The following CHD3 variants were observed in gnomAD, a reference collection of about 807,000 sequenced individuals.
The protein encoded by CHD3 is ATP-dependent chromatin remodeler CHD3.
A neutral mutation model predicts 248.9 loss-of-function variants in CHD3; 52 were observed. That is an observed-to-expected ratio of 0.21 (90% confidence interval 0.17 to 0.26). The LOEUF (loss-of-function observed/expected upper bound fraction) is 0.26, where lower values mean the gene tolerates loss of function less well. CHD3 is among the 10% of genes least tolerant of loss of function. The probability of loss-of-function intolerance (pLI) is 1.00; values close to 1 mark genes in which losing one functional copy is unlikely to be tolerated. For missense variants in CHD3, 1,482 were observed against 2,605.8 expected, an observed-to-expected ratio of 0.57 and a Z score of 9.39; for synonymous variants, 985 against 985.2, an observed-to-expected ratio of 1.00 and a Z score of 0.00.
chr17:7,884,909 G>T, upstream of CHD3: 1 of 1,418,850 alleles, frequency 7.0e-7, no homozygotes. Flanking sequence ...GGAGGAGGAG[G>T]AGGTGGAGGC....
chr17:7,885,108 C>A (rs1439501252), upstream of CHD3: 106 of 982,362 alleles, frequency 1.1e-4, no homozygotes, highest in Non-Finnish European at 1.2e-4. Context: ...CGACTCCCCC[C>A]CCAAGCCCGA....
At chr17:7,901,469 C>T in intron 20 of CHD3, 94 bp downstream of exon 20, 3 of 967,430 alleles carry the variant, frequency 3.1e-6, no homozygotes, top group South Asian at 2.7e-5. Context: ...TGTGGCTGCT[C>T]TGGTGTGACA....
rs755840598 is a variant in CHD3 at position 7,904,998 on chromosome 17, G to T, written c.4073-102G>T. 37 of 1,082,772 alleles carry T rather than the reference G, an allele frequency of 3.4e-5. No homozygotes were observed. The highest frequency in any genetic ancestry group is 4.8e-5 in the Non-Finnish European group (34 of 701,508). 67.1% of individuals were successfully genotyped at this position (1,082,772 alleles called of 1,614,324 possible). ...CCAGAAGGACCAAGGCCAGAATAAA[G>T]GTAGACAAGTCTCGGCAGGGAGGAA... On this transcript the variant is annotated intron_variant, in intron 25 of 39. Transcript: ENST00000330494. This position sits in a 1 kb window ranked among gnomAD's most constrained non-coding sequence, Gnocchi z 4.4.
chr17:7,899,448 A>T lies in CHD3; in HGVS notation c.2449A>T (p.Thr817Ser). ...ACCCAAATTCTATGTGGTGACATAC[A>T]CGGGTGACAAGGACAGCCGGGCCAT... is the stretch of plus-strand genomic sequence containing the variant. Reference protein sequence around the residue: ...WAPKFYVVTYTGDKDSRAIIR... With the variant: ...WAPKFYVVTYSGDKDSRAIIR... The change falls in exon 15 of 40, where the codon ACG becomes TCG. Residue 817 changes from threonine (T) to serine (S), a missense_variant. Coordinates refer to ENST00000330494, the MANE Select transcript of CHD3 (RefSeq NM_001005273.3). This position sits in a 1 kb window ranked among gnomAD's most constrained non-coding sequence, Gnocchi z 6.8. 1 of 1,614,152 alleles carries T rather than the reference A, an allele frequency of 6.2e-7. No individual in the cohort carries two copies. Among genetic ancestry groups the T allele is most frequent in the Non-Finnish European group, 8.5e-7 (1 of 1,180,026 alleles).
At position 7,899,755 on chromosome 17, in the gene CHD3, A is replaced by G; in HGVS notation, c.2545-141A>G. ...CTGGAAATGTGGGCAGAGGTTTAGG[A>G]GCCATGGTCTGTAATCCCTGCTTGG... is the stretch of plus-strand genomic sequence containing the variant. On this transcript the variant is annotated intron_variant, in intron 15 of 39. Coordinates refer to ENST00000330494, the MANE Select transcript of CHD3 (RefSeq NM_001005273.3). The surrounding 1 kb of genome is among the most constrained non-coding windows in gnomAD (Gnocchi z 6.8). 8.5e-7 allele frequency: 1 copy of G among 1,174,628 alleles called. No homozygotes were observed. Among genetic ancestry groups the G allele is most frequent in the Non-Finnish European group, 1.2e-6 (1 of 818,914 alleles). 72.8% of individuals were successfully genotyped at this position (1,174,628 alleles called of 1,614,324 possible).
chr17:7,889,192 C>A lies in CHD3; in HGVS notation c.100+92C>A. 6.6e-7 allele frequency: 1 copy of A among 1,504,572 alleles called. No individual in the cohort carries two copies. Among genetic ancestry groups the A allele is most frequent in the South Asian group, 1.2e-5 (1 of 84,802 alleles). 93.2% of individuals were successfully genotyped at this position (1,504,572 alleles called of 1,614,324 possible). On this transcript the variant is annotated intron_variant, in intron 1 of 39. Transcript: ENST00000330494. The surrounding 1 kb of genome is among the most constrained non-coding windows in gnomAD (Gnocchi z 4.5). Reference sequence around the variant, plus strand: ...GTTAGTGTGAGAACCCAGGTGTCCACCTTTGGCTCTCCCTCCCCAGCATCT... The same window carrying A: ...GTTAGTGTGAGAACCCAGGTGTCCAACTTTGGCTCTCCCTCCCCAGCATCT...
rs12950420 is a variant in CHD3, at chr17:7,910,781, T to A, written c.5755-66T>A. On this transcript the variant is annotated intron_variant, in intron 38 of 39. Transcript: ENST00000330494. This position sits in a 1 kb window ranked among gnomAD's most constrained non-coding sequence, Gnocchi z 4.7. ...TGTGGAGTGTGGCTCATAATGTCTCTCCTACAGCTTCTTTCCTCTCACAGA... is the reference window on the plus strand; with the variant it reads ...TGTGGAGTGTGGCTCATAATGTCTCACCTACAGCTTCTTTCCTCTCACAGA... 1.9e-6 allele frequency: 3 copies of A among 1,561,640 alleles called. No homozygotes were observed. The highest frequency in any genetic ancestry group is 8.6e-7 in the Non-Finnish European group (1 of 1,156,790).
chr17:7,893,229 G>A, intron 4 of CHD3, 57 bp from the exon 5 acceptor site: 1 of 1,510,494 alleles, frequency 6.6e-7, no homozygotes, highest in East Asian at 2.3e-5. Flanking sequence ...GAGGGGAGAT[G>A]GCAGTGTTCC....
rs1970655415 is a variant in CHD3 at position 7,904,296 on chromosome 17, A to G, written c.3895-146A>G. On this transcript the variant is annotated intron_variant, in intron 24 of 39. Coordinates refer to ENST00000330494, the MANE Select transcript of CHD3 (RefSeq NM_001005273.3). This position sits in a 1 kb window ranked among gnomAD's most constrained non-coding sequence, Gnocchi z 4.4. ...TAAGAGATGGCATGGAACATGCGCA[A>G]TGTCCAGAAAATGTATGCAGAGCCA... is the stretch of plus-strand genomic sequence containing the variant. 3 of 714,922 alleles carry G rather than the reference A, an allele frequency of 4.2e-6. No individual in the cohort carries two copies. The highest frequency in any genetic ancestry group is 2.8e-5 in the Admixed American group (1 of 35,848). The allele number at this position is 714,922 out of a possible 1,614,324, so 44.3% of individuals were successfully genotyped here. A position where few individuals can be genotyped will look rare whatever the true frequency, so the allele number is the denominator to read the frequency against.
upstream of CHD3, among the ~76,000 whole-genome samples, chr17:7,886,919 C>T (rs931373728): frequency 6.6e-6 from 1 of 152,068 alleles, no homozygotes; most frequent in Non-Finnish European, 1.5e-5. The surrounding 1 kb of genome is among the most constrained non-coding windows in gnomAD (Gnocchi z 4.2). Flanking sequence ...CCCTTTCCCT[C>T]TTGGCTTTCT....
At position 7,889,674 on chromosome 17, in the gene CHD3, C is replaced by G. The variant is rs1208427243; in HGVS notation, c.111C>G (p.Asp37Glu). 1 of 1,612,234 alleles carries G rather than the reference C, an allele frequency of 6.2e-7. No individual in the cohort carries two copies. Among genetic ancestry groups the G allele is most frequent in the Non-Finnish European group, 8.5e-7 (1 of 1,178,944 alleles). Residue 37 changes from aspartate (D) to glutamate (E), a missense_variant, in exon 2 of 40, where the codon GAC becomes GAG. This residue lies in a region of CHD3 where 169 missense variants were observed against 168.1 expected (regional missense o/e 1.01). Transcript: ENST00000330494. This position sits in a 1 kb window ranked among gnomAD's most constrained non-coding sequence, Gnocchi z 4.5. ...CTTTTTGCTTCAAAGATAAGGATGA[C>G]ATTCGGCTGCTGCCGTCAGCATTGG... ...CWGDRMPDKD[D>E]IRLLPSALGV...
Position 7,903,589 on chromosome 17 carries a change from T to C in CHD3, c.3727+86T>C. On this transcript the variant is annotated intron_variant, in intron 23 of 39. Coordinates refer to ENST00000330494, the MANE Select transcript of CHD3 (RefSeq NM_001005273.3). The surrounding 1 kb of genome is among the most constrained non-coding windows in gnomAD (Gnocchi z 6.8). Reference sequence around the variant, plus strand: ...AGCCCCCTGGGGAGAGAAAAACAACTCTTCTCTGCAGCCTTTGAAGGAAGG... The same window carrying C: ...AGCCCCCTGGGGAGAGAAAAACAACCCTTCTCTGCAGCCTTTGAAGGAAGG... 1 of 1,201,322 alleles carries C rather than the reference T, an allele frequency of 8.3e-7. No individual in the cohort carries two copies. The highest frequency in any genetic ancestry group is 1.2e-6 in the Non-Finnish European group (1 of 847,548). The allele number at this position is 1,201,322 out of a possible 1,614,324, so 74.4% of individuals were successfully genotyped here.
intron 4 of CHD3, among the ~76,000 whole-genome samples, chr17:7,892,222 A>G (rs768086253): frequency 6.6e-6 from 1 of 152,146 alleles, no homozygotes; most frequent in Non-Finnish European, 1.5e-5. Context: ...TGTCCGCACA[A>G]GAGTTGAGCA....
At chr17:7,892,557 C>T (rs1217646808) in intron 4 of CHD3, among the ~76,000 whole-genome samples, 2 of 135,306 alleles carry the variant, frequency 1.5e-5, no homozygotes, top group Non-Finnish European at 3.0e-5. Flanking sequence ...AGTGTAGTGG[C>T]GCAATCTTGG....
intron 4 of CHD3, 122 bp downstream of exon 4, chr17:7,891,186 C>G: frequency 1.8e-6 from 2 of 1,136,262 alleles, no homozygotes; most frequent in South Asian, 3.0e-5. Context: ...TGTATACACA[C>G]CAAATTCTAC....
At position 7,906,136 on chromosome 17, in the gene CHD3, G is replaced by T. The variant is rs1323938685; in HGVS notation, c.4358+147G>T. 3 of 1,284,164 alleles carry T rather than the reference G, an allele frequency of 2.3e-6. No homozygotes were observed. Among genetic ancestry groups the T allele is most frequent in the African/African-American group, 2.9e-5 (2 of 68,800 alleles). 79.5% of individuals were successfully genotyped at this position (1,284,164 alleles called of 1,614,324 possible). ...ACAATACTTCCTGGCTCGATTTCCT[G>T]GGGGGTGGTCTCAGCCCACTCCACC... On this transcript the variant is annotated intron_variant, in intron 28 of 39. Transcript: ENST00000330494. This position sits in a 1 kb window ranked among gnomAD's most constrained non-coding sequence, Gnocchi z 5.0.
Position 7,911,760 on chromosome 17 carries a change from C to T in CHD3, c.*175C>T, listed in dbSNP as rs866828726. 4 of 1,517,760 alleles carry T rather than the reference C, an allele frequency of 2.6e-6. No homozygotes were observed. Among genetic ancestry groups the T allele is most frequent in the Middle Eastern group, 1.8e-4 (1 of 5,700 alleles). The allele number at this position is 1,517,760 out of a possible 1,614,324, so 94.0% of individuals were successfully genotyped here. ...TCTTCAAGAAGGGCCCTTTGTCTTT[C>T]TCCACTCCCACACACCTTTCCCACC... On this transcript the variant is annotated 3_prime_UTR_variant, in exon 40 of 40. Coordinates refer to ENST00000330494, the MANE Select transcript of CHD3 (RefSeq NM_001005273.3). The surrounding 1 kb of genome is among the most constrained non-coding windows in gnomAD (Gnocchi z 5.4).
At chr17:7,898,202 C>G in intron 12 of CHD3, 100 bp downstream of exon 12, 2 of 1,441,552 alleles carry the variant, frequency 1.4e-6, no homozygotes, top group Non-Finnish European at 9.4e-7. Context: ...CTGATTCAAC[C>G]TGGAGTTCAG....
Position 7,895,144 on chromosome 17 carries a change from A to G in CHD3, c.1497A>G (p.Arg499=). The change falls in exon 9 of 40, where the codon CGA becomes CGG. Residue 499 remains arginine, a synonymous_variant. Transcript: ENST00000330494. The surrounding 1 kb of genome is among the most constrained non-coding windows in gnomAD (Gnocchi z 4.9). ...CCAATGGTGAATGGCTGTGTCCCCG[A>G]TGCACAGTGAGTGGAAACATCTCCC... The part of the protein sequence containing the change: ...DIPNGEWLCP[R]CTCPVLKGRV... 6.2e-7 allele frequency: 1 copy of G among 1,613,592 alleles called. No homozygotes were observed. Among genetic ancestry groups the G allele is most frequent in the East Asian group, 2.2e-5 (1 of 44,862 alleles).
Sources: allele counts gnomAD v4.1 joint callset (sites outside exome capture counted in the v4.1 genomes callset), GRCh38; gene constraint gnomAD v4.1.1; regional missense constraint gnomAD v4.1.1; non-coding constraint Gnocchi (gnomAD v3.1); transcripts MANE v1.5; gene names NCBI Gene and HGNC (gene_info 2026-07-23, HGNC 2026-07-21).